The following USP32 variants were observed in gnomAD, a reference collection of about 807,000 sequenced individuals.
The protein encoded by USP32 is ubiquitin specific peptidase 32, also known as ubiquitin carboxyl-terminal hydrolase 32.
A neutral mutation model predicts 204.8 loss-of-function variants in USP32; 59 were observed. The observed-to-expected ratio is 0.29, with a 90% CI of 0.23 to 0.36. USP32 has a LOEUF of 0.36. USP32 is among the 10% of genes least tolerant of loss of function. The pLI is 1.00. For missense variants in USP32, 1,160 were observed against 1,946.4 expected, an observed-to-expected ratio of 0.60 and a Z score of 7.60; for synonymous variants, 517 against 678.4, an observed-to-expected ratio of 0.76 and a Z score of 3.70.
intron 2 of USP32, among the ~76,000 whole-genome samples, chr17:60,308,439 G>T (rs2087779152): frequency 6.6e-6 from 1 of 152,116 alleles, no homozygotes; most frequent in South Asian, 2.1e-4. Flanking sequence ...CTGTGAGGGG[G>T]ACAAGGGAAC....
At chr17:60,265,933 T>C (rs753059819) in intron 8 of USP32, 43 bp downstream of exon 8, 3 of 1,456,722 alleles carry the variant, frequency 2.1e-6, no homozygotes, top group Non-Finnish European at 2.9e-6. Context: ...CAATTTCCCA[T>C]TGGAAGTTTA....
intron 12 of USP32, among the ~76,000 whole-genome samples, chr17:60,233,981 GCT>G (rs766303446): frequency 2.6e-5 from 4 of 152,002 alleles, no homozygotes; most frequent in Non-Finnish European, 4.4e-5. Context: ...ACAGGGTCTT[GCT>G]CTGTCACCCA....
At chr17:60,227,594 T>C (rs1397638659) in intron 12 of USP32, among the ~76,000 whole-genome samples, 2 of 151,570 alleles carry the variant, frequency 1.3e-5, no homozygotes, top group African/African-American at 4.8e-5. Context: ...TTTTTTTTTT[T>C]TTGAGACAGG....
chr17:60,310,564 T>A (rs2087830105), intron 2 of USP32, among the ~76,000 whole-genome samples: 1 of 152,128 alleles, frequency 6.6e-6, no homozygotes, highest in East Asian at 1.9e-4. Flanking sequence ...CTGGGCGTGG[T>A]GGCACGCGCC....
chr17:60,216,277 T>G (rs1217515511), intron 16 of USP32, among the ~76,000 whole-genome samples: 5 of 130,702 alleles, frequency 3.8e-5, no homozygotes, highest in African/African-American at 1.7e-4. Flanking sequence ...ATTATGGAAA[T>G]CAAAGAGAGG....
intron 2 of USP32, among the ~76,000 whole-genome samples, chr17:60,323,901 T>C (rs1318901475): frequency 6.6e-6 from 1 of 152,200 alleles, no homozygotes; most frequent in Non-Finnish European, 1.5e-5. Flanking sequence ...AAATTCTTCT[T>C]CAAAGATGGA....
At chr17:60,185,802 C>T in intron 29 of USP32, 151 bp from the exon 30 acceptor site, 1 of 943,584 alleles carries the variant, frequency 1.1e-6, no homozygotes, top group African/African-American at 1.6e-5. Context: ...TGGCTCATGC[C>T]TGTAATCCCA....
At chr17:60,185,121 C>T (rs1279406146) in intron 30 of USP32, among the ~76,000 whole-genome samples, 2 of 152,180 alleles carry the variant, frequency 1.3e-5, no homozygotes, top group African/African-American at 2.4e-5. Flanking sequence ...AAGGGTTAGC[C>T]TAAGCTTCCT....
At chr17:60,209,851 G>A (rs909122851) in intron 21 of USP32, among the ~76,000 whole-genome samples, 7 of 151,972 alleles carry the variant, frequency 4.6e-5, no homozygotes, top group South Asian at 2.1e-4. Context: ...TTAAAACAGC[G>A]TTTGCTCACA....
chr17:60,340,140 A>G (rs985444310), intron 2 of USP32, among the ~76,000 whole-genome samples: 1 of 152,166 alleles, frequency 6.6e-6, no homozygotes, highest in Non-Finnish European at 1.5e-5. Flanking sequence ...CAAGGGTCAT[A>G]TGCACTGACC....
intron 15 of USP32, among the ~76,000 whole-genome samples, 186 bp downstream of exon 15, chr17:60,222,223 C>T (rs2085271243): frequency 6.6e-6 from 1 of 152,146 alleles, no homozygotes; most frequent in African/African-American, 2.4e-5. Context: ...TATTTCCTTG[C>T]CTTTATTTAT....
intron 1 of USP32, among the ~76,000 whole-genome samples, chr17:60,361,231 C>T (rs924859651): frequency 1.3e-5 from 2 of 152,120 alleles, no homozygotes; most frequent in East Asian, 1.9e-4. Context: ...TAATCCCTCC[C>T]GTGCCCATTC....
chr17:60,352,650 C>T lies in USP32; in HGVS notation c.59-7042G>A, dbSNP rs114480715. 9.3e-3 allele frequency among the ~76,000 whole-genome samples: 1,420 copies of T among 152,196 alleles called. 16 individuals carry two copies. The highest frequency in any genetic ancestry group is 0.032 in the African/African-American group (1,329 of 41,524). On this transcript the variant is annotated intron_variant, in intron 1 of 33. Transcript: ENST00000300896. ...ATCAGGTTTACATGCACATTGGTGT[C>T]GATGCAATAAACAAGACTGGGAAAA...
intron 3 of USP32, among the ~76,000 whole-genome samples, chr17:60,295,777 T>C (rs2087412777): frequency 6.6e-6 from 1 of 152,194 alleles, no homozygotes; most frequent in East Asian, 1.9e-4. Flanking sequence ...ATTGTTAATA[T>C]CTTACTGTGC....
chr17:60,403,521 C>G (rs1335980205), intron 1 of USP32, among the ~76,000 whole-genome samples: 1 of 152,118 alleles, frequency 6.6e-6, no homozygotes, highest in Non-Finnish European at 1.5e-5. Flanking sequence ...TCTAAAACAG[C>G]CTTGAGGTCT....
intron 2 of USP32, among the ~76,000 whole-genome samples, chr17:60,341,076 G>A (rs1473207947): frequency 1.3e-5 from 2 of 152,006 alleles, no homozygotes; most frequent in Non-Finnish European, 2.9e-5. Context: ...TGGGTAACTC[G>A]ACCTTTCTCT....
At chr17:60,244,036 T>G (rs1289293083) in intron 11 of USP32, among the ~76,000 whole-genome samples, 1 of 135,324 alleles carries the variant, frequency 7.4e-6, no homozygotes, top group African/African-American at 2.9e-5. Context: ...TGTGTTTTTT[T>G]TTTTTTTTTT....
intron 16 of USP32, among the ~76,000 whole-genome samples, chr17:60,217,760 C>T (rs955543373): frequency 2.0e-5 from 3 of 151,496 alleles, no homozygotes; most frequent in Admixed American, 1.3e-4. Context: ...TTTTAAGAGA[C>T]AAGCTCTTGC....
intron 4 of USP32, among the ~76,000 whole-genome samples, chr17:60,289,629 A>G (rs1033634136): frequency 6.6e-6 from 1 of 152,188 alleles, no homozygotes; most frequent in African/African-American, 2.4e-5. Flanking sequence ...GCTGAAAAAG[A>G]GCATCATATG....
Sources: gnomAD v4.1 joint callset for allele counts (sites outside exome capture counted in the v4.1 genomes callset) on GRCh38, gnomAD v4.1.1 for gene constraint, MANE v1.5 for transcripts, NCBI Gene and HGNC (gene_info 2026-07-23, HGNC 2026-07-21) for gene names.